Variants in KCNIP4 observed in about 807,000 individuals in gnomAD.
KCNIP4 encodes the protein Kv channel-interacting protein 4.
A neutral mutation model predicts 34.0 loss-of-function variants in KCNIP4; 12 were observed. That is an observed-to-expected ratio of 0.35 (90% CI 0.23 to 0.57). The LOEUF is 0.57. Ranked by LOEUF, KCNIP4 falls within the 20% of genes least tolerant of loss-of-function variation. The pLI is 0.83. For missense variants in KCNIP4, 238 were observed against 311.7 expected (o/e 0.76, Z 1.78); for synonymous variants, 124 against 102.2 (o/e 1.21, Z -1.29).
At chr4:21,902,582 A>G (rs910998924) in intron 1 of KCNIP4, among the ~76,000 whole-genome samples, 6 of 152,038 alleles carry the variant, frequency 3.9e-5, no homozygotes, top group African/African-American at 1.4e-4. Flanking sequence ...GAAAGGAAAA[A>G]CTTTCAGGTC....
At chr4:21,548,192 T>A (rs1738291681) in intron 1 of KCNIP4, among the ~76,000 whole-genome samples, 1 of 152,116 alleles carries the variant, frequency 6.6e-6, no homozygotes, top group South Asian at 2.1e-4. Context: ...CAATCAAAAA[T>A]GGCAAGTCTT....
chr4:21,689,741 G>A (rs1012293007), intron 1 of KCNIP4, among the ~76,000 whole-genome samples: 5 of 152,112 alleles, frequency 3.3e-5, no homozygotes, highest in East Asian at 1.9e-4. Context: ...GATATAGAAC[G>A]ATGAAATGCT....
intron 1 of KCNIP4, among the ~76,000 whole-genome samples, chr4:21,208,861 C>T (rs1757032775): frequency 6.6e-6 from 1 of 152,070 alleles, no homozygotes; most frequent in Non-Finnish European, 1.5e-5. Context: ...AAAGGGGTAG[C>T]AAGACACCTT....
chr4:21,180,939 T>G (rs956734025), intron 1 of KCNIP4, among the ~76,000 whole-genome samples: 1 of 152,074 alleles, frequency 6.6e-6, no homozygotes, highest in Non-Finnish European at 1.5e-5. Context: ...AAGGGGAGGA[T>G]GTGTTAATCT....
At chr4:21,466,263 C>T (rs116400509) in intron 1 of KCNIP4, among the ~76,000 whole-genome samples, 25 of 152,244 alleles carry the variant, frequency 1.6e-4, no homozygotes, top group African/African-American at 5.1e-4. Flanking sequence ...GTCTAACCCA[C>T]AATGTTTATA....
chr4:21,210,362 A>G (rs1757134813), intron 1 of KCNIP4, among the ~76,000 whole-genome samples: 1 of 152,176 alleles, frequency 6.6e-6, no homozygotes, highest in South Asian at 2.1e-4. Context: ...ATTTTCTGTC[A>G]TCAAATTAGC....
intron 1 of KCNIP4, among the ~76,000 whole-genome samples, chr4:21,390,942 G>A (rs928773497): frequency 6.6e-6 from 1 of 152,096 alleles, no homozygotes; most frequent in Non-Finnish European, 1.5e-5. Context: ...AGTGCATGAA[G>A]GTTCTAATTT....
chr4:21,101,552 G>C (rs923920439), intron 1 of KCNIP4, among the ~76,000 whole-genome samples: 2 of 152,148 alleles, frequency 1.3e-5, no homozygotes, highest in Admixed American at 1.3e-4. Context: ...AAGAAGGGCA[G>C]ATATGTAGAG....
chr4:21,283,538 C>G (rs545409952), intron 1 of KCNIP4, among the ~76,000 whole-genome samples: 1 of 150,756 alleles, frequency 6.6e-6, no homozygotes, highest in African/African-American at 2.4e-5. Context: ...AAATATTTGT[C>G]TAATATCCTT....
At chr4:21,730,891 T>C (rs1478513413) in intron 1 of KCNIP4, among the ~76,000 whole-genome samples, 1 of 151,850 alleles carries the variant, frequency 6.6e-6, no homozygotes, top group Admixed American at 6.6e-5. Flanking sequence ...GGCGGGCAAA[T>C]AGCTGGAGTC....
Position 21,618,981 on chromosome 4 carries a change from G to A in KCNIP4, c.61+329590C>T, listed in dbSNP as rs371053144. Among the ~76,000 whole-genome samples, 262 of 151,728 alleles carry A rather than the reference G, an allele frequency of 1.7e-3. 10 individuals are homozygous for A. The South Asian group carries it at 0.047, about 27-fold the overall frequency. On this transcript the variant is annotated intron_variant, in intron 1 of 8. Coordinates refer to ENST00000382152, the MANE Select transcript of KCNIP4 (RefSeq NM_025221.6). ...TCTCATATGTTCACTTGTTTGTTTC[G>A]TCTACCAAATAGTGAGTTACTTGAT...
At chr4:20,917,869 T>G (rs573197118) in intron 1 of KCNIP4, among the ~76,000 whole-genome samples, 1 of 152,272 alleles carries the variant, frequency 6.6e-6, no homozygotes, top group Non-Finnish European at 1.5e-5. Context: ...ACGACAGGTA[T>G]GTGGAAGAGA....
intron 1 of KCNIP4, among the ~76,000 whole-genome samples, chr4:21,385,100 G>C (rs1721898389): frequency 6.6e-6 from 1 of 152,170 alleles, no homozygotes; most frequent in Admixed American, 6.6e-5. Flanking sequence ...ACTGGGTAGA[G>C]GATAGTACTG....
intron 1 of KCNIP4, among the ~76,000 whole-genome samples, chr4:21,754,444 T>A (rs1320023952): frequency 6.6e-6 from 1 of 152,240 alleles, no homozygotes; most frequent in Non-Finnish European, 1.5e-5. Context: ...AGGAGATGAA[T>A]ACATATTTGT....
chr4:21,240,037 T>C (rs1308265463), intron 1 of KCNIP4, among the ~76,000 whole-genome samples: 3 of 151,854 alleles, frequency 2.0e-5, no homozygotes, highest in Non-Finnish European at 4.4e-5. Flanking sequence ...TGGAATACTA[T>C]GCAGCCATAA....
chr4:21,239,518 C>T (rs79935157), intron 1 of KCNIP4, among the ~76,000 whole-genome samples: 29,587 of 151,650 alleles, frequency 0.2, 5,606 homozygotes, highest in African/African-American at 0.5. Context: ...TGAACTCAAG[C>T]GAATTTACAA....
At chr4:21,714,823 T>C (rs1254077647) in intron 1 of KCNIP4, among the ~76,000 whole-genome samples, 51 of 252 alleles carry the variant, frequency 0.2, 12 homozygotes, top group East Asian at 0.8. Flanking sequence ...TATTTTATTT[T>C]ATTTTATTTT....
chr4:21,127,362 G>A (rs1006200318), intron 1 of KCNIP4, among the ~76,000 whole-genome samples: 1 of 151,884 alleles, frequency 6.6e-6, no homozygotes, highest in Non-Finnish European at 1.5e-5. Context: ...CCTTCTTTTG[G>A]GGTTTGCTTT....
At chr4:21,246,861 T>C (rs1430943430) in intron 1 of KCNIP4, among the ~76,000 whole-genome samples, 1 of 152,222 alleles carries the variant, frequency 6.6e-6, no homozygotes, top group Non-Finnish European at 1.5e-5. Flanking sequence ...TAAAATTCTG[T>C]TCATAAGTGA....
Sources: allele counts gnomAD v4.1 joint callset (sites outside exome capture counted in the v4.1 genomes callset), GRCh38; gene constraint gnomAD v4.1.1; transcripts MANE v1.5; gene names NCBI Gene and HGNC (gene_info 2026-07-23, HGNC 2026-07-21).